Variants in UGCG observed in about 807,000 individuals in gnomAD.
UGCG encodes ceramide glucosyltransferase.
UGCG carries 10 observed loss-of-function variants against 49.5 expected under a neutral mutation model. The ratio of observed to expected loss-of-function variants is 0.20; its 90% CI spans 0.12 to 0.34. The LOEUF (loss-of-function observed/expected upper bound fraction) is 0.34. UGCG is among the 10% of genes least tolerant of loss of function. The probability of loss-of-function intolerance (pLI) is 1.00; values close to 1 mark genes in which losing one functional copy is unlikely to be tolerated. For missense variants in UGCG, 312 were observed against 483.7 expected (o/e 0.65, Z 3.33); for synonymous variants, 182 against 158.2 (o/e 1.15, Z -1.13).
chr9:111,920,517 C>T (rs1194826627), intron 2 of UGCG, among the ~76,000 whole-genome samples: 2 of 152,072 alleles, frequency 1.3e-5, no homozygotes, highest in Admixed American at 1.3e-4. Flanking sequence ...AGGTGTGTGC[C>T]ACCATGCCTG....
At chr9:111,903,594 G>A (rs988997803) in intron 1 of UGCG, among the ~76,000 whole-genome samples, 3 of 152,066 alleles carry the variant, frequency 2.0e-5, no homozygotes, top group African/African-American at 7.2e-5. Flanking sequence ...TCCCACCTTG[G>A]CTTTTTTTCT....
rs560191760 is a variant in UGCG, at chr9:111,908,863, A to G, written c.99-5742A>G. Among the ~76,000 whole-genome samples the G allele has an allele frequency of 3.9e-5, 6 of 152,302 alleles. No homozygotes were observed. In the South Asian group the frequency reaches 1.2e-3, roughly 32 times the overall value. On this transcript the variant is annotated intron_variant, in intron 1 of 8. Coordinates refer to ENST00000374279, the MANE Select transcript of UGCG (RefSeq NM_003358.3). The stretch of plus-strand genomic sequence containing the variant: ...TAAGACCCTGTCCGAGCCACTTATA[A>G]TACTGCCCCACTTTAAGGGCTCCAC...
rs1838494011 is a variant in UGCG at position 111,934,952 on chromosome 9, A to G, written c.*1955A>G. ...TTGTACTTGTTGGTCTGTTTAATGA[A>G]GTTTGGTTGATGCCATCCTTTGCAC... is the stretch of plus-strand genomic sequence containing the variant. On this transcript the variant is annotated 3_prime_UTR_variant, in exon 9 of 9. Coordinates refer to ENST00000374279, the MANE Select transcript of UGCG (RefSeq NM_003358.3). 3.3e-5 allele frequency: 5 copies of G among 152,200 alleles called. No homozygotes were observed. Among genetic ancestry groups the G allele is most frequent in the Admixed American group, 3.3e-4 (5 of 15,270 alleles). The allele number at this position is 152,200 out of a possible 1,614,324, so 9.4% of individuals were successfully genotyped here. A position where few individuals can be genotyped will look rare whatever the true frequency, so the allele number is the denominator to read the frequency against.
intron 8 of UGCG, 140 bp from the exon 9 acceptor site, chr9:111,932,687 A>C (rs575113275): frequency 1.3e-6 from 1 of 763,156 alleles, no homozygotes; most frequent in East Asian, 2.7e-5. Context: ...ACGGTATAAC[A>C]TGGCAGTTAA....
intron 1 of UGCG, among the ~76,000 whole-genome samples, chr9:111,901,894 T>C (rs770328389): frequency 6.6e-6 from 1 of 152,224 alleles, no homozygotes; most frequent in Non-Finnish European, 1.5e-5. Flanking sequence ...TTTCTTATTG[T>C]AGCCTTTATC....
chr9:111,905,550 G>C (rs555216754), intron 1 of UGCG, among the ~76,000 whole-genome samples: 12 of 152,090 alleles, frequency 7.9e-5, no homozygotes, highest in Non-Finnish European at 1.6e-4. Flanking sequence ...CTGCTTCCCA[G>C]GTTCAAGCAG....
At chr9:111,926,567 G>A (rs1838315584) in intron 5 of UGCG, 71 bp downstream of exon 5, 5 of 1,217,608 alleles carry the variant, frequency 4.1e-6, no homozygotes, top group Non-Finnish European at 4.6e-6. Flanking sequence ...GAGACTATGG[G>A]AGCTGGAATT....
At chr9:111,909,849 C>G (rs1165822917) in intron 1 of UGCG, among the ~76,000 whole-genome samples, 1 of 152,062 alleles carries the variant, frequency 6.6e-6, no homozygotes, top group Non-Finnish European at 1.5e-5. Context: ...ATCTCGTACC[C>G]TAGGGGGTAC....
chr9:111,912,050 A>ATATC (rs973885263), intron 1 of UGCG, among the ~76,000 whole-genome samples: 3 of 142,864 alleles, frequency 2.1e-5, no homozygotes, highest in Non-Finnish European at 4.6e-5. Flanking sequence ...ATATATATAT[A>ATATC]TATCCTGTTG....
intron 1 of UGCG, among the ~76,000 whole-genome samples, chr9:111,914,173 A>G (rs1448347309): frequency 2.0e-5 from 3 of 152,188 alleles, no homozygotes; most frequent in African/African-American, 7.2e-5. Flanking sequence ...TTGGGCTAAC[A>G]CTGCCATTCA....
chr9:111,917,855 G>T (rs1483346567), intron 2 of UGCG, among the ~76,000 whole-genome samples: 1 of 152,184 alleles, frequency 6.6e-6, no homozygotes, highest in African/African-American at 2.4e-5. Flanking sequence ...TGTCACCAGC[G>T]TAGAAGGGAT....
intron 5 of UGCG, among the ~76,000 whole-genome samples, chr9:111,928,226 A>G (rs953684540): frequency 1.3e-5 from 2 of 152,216 alleles, no homozygotes; most frequent in Admixed American, 6.5e-5. Flanking sequence ...TATTGGCTGT[A>G]AATATATTTG....
chr9:111,903,443 T>C (rs1356766033), intron 1 of UGCG, among the ~76,000 whole-genome samples: 2 of 123,424 alleles, frequency 1.6e-5, no homozygotes, highest in Admixed American at 7.2e-5. Context: ...CAGGCGCCTG[T>C]AATCCCAGCT....
intron 1 of UGCG, among the ~76,000 whole-genome samples, chr9:111,906,468 C>T (rs1289162421): frequency 5.9e-5 from 9 of 152,028 alleles, no homozygotes; most frequent in African/African-American, 2.2e-4. Flanking sequence ...CTCGCTGTGT[C>T]GCCCAAGCTG....
chr9:111,925,964 A>T (rs1345352865), intron 4 of UGCG, among the ~76,000 whole-genome samples: 3 of 152,194 alleles, frequency 2.0e-5, no homozygotes, highest in African/African-American at 2.4e-5. Context: ...TGGAAATCTG[A>T]TACTCACAGA....
chr9:111,932,787 A>T, intron 8 of UGCG, 40 bp from the exon 9 acceptor site: 1 of 1,495,568 alleles, frequency 6.7e-7, no homozygotes, highest in Non-Finnish European at 9.0e-7. Flanking sequence ...CTTTAGTTTG[A>T]CAGTGAGTGA....
intron 6 of UGCG, among the ~76,000 whole-genome samples, chr9:111,930,994 A>AT (rs964626924): frequency 1.3e-5 from 2 of 151,646 alleles, no homozygotes; most frequent in Non-Finnish European, 1.5e-5. Flanking sequence ...AGCCCTCTCC[A>AT]TTTTTTTTCA....
chr9:111,929,138 T>C (rs1418395172), intron 5 of UGCG: 6 of 192,496 alleles, frequency 3.1e-5, no homozygotes, highest in Admixed American at 6.1e-5. Flanking sequence ...TATACACACA[T>C]ATACGTAACA....
chr9:111,908,197 T>G (rs1837923098), intron 1 of UGCG, among the ~76,000 whole-genome samples: 1 of 152,168 alleles, frequency 6.6e-6, no homozygotes, highest in South Asian at 2.1e-4. Flanking sequence ...AACCCAAACA[T>G]CCATCAACAG....
Sources: allele counts gnomAD v4.1 joint callset (sites outside exome capture counted in the v4.1 genomes callset), GRCh38; gene constraint gnomAD v4.1.1; transcripts MANE v1.5; gene names NCBI Gene and HGNC (gene_info 2026-07-23, HGNC 2026-07-21).